Variants in STK39 observed in about 807,000 individuals in gnomAD.
STK39 encodes serine/threonine kinase 39, also known as STE20/SPS1-related proline-alanine-rich protein kinase.
A neutral mutation model predicts 77.8 loss-of-function variants in STK39; 20 were observed. The observed-to-expected ratio is 0.26, with a 90% CI of 0.18 to 0.37. The LOEUF is 0.37. Ranked by LOEUF, STK39 falls within the 10% of genes least tolerant of loss-of-function variation. STK39 has a pLI of 1.00. For missense variants in STK39, 479 were observed against 656.5 expected, an observed-to-expected ratio of 0.73 and a Z score of 2.95; for synonymous variants, 246 against 234.1, an observed-to-expected ratio of 1.05 and a Z score of -0.47.
chr2:167,996,255 T>C (rs1256363197), intron 16 of STK39, among the ~76,000 whole-genome samples: 2 of 152,234 alleles, frequency 1.3e-5, no homozygotes, highest in African/African-American at 2.4e-5. Context: ...AAAATGTCTC[T>C]ATTTTCTCAC....
At chr2:167,971,584 C>T (rs1237295271) in intron 16 of STK39, among the ~76,000 whole-genome samples, 2 of 152,162 alleles carry the variant, frequency 1.3e-5, no homozygotes, top group South Asian at 2.1e-4. Context: ...ACATTAGGTA[C>T]AGAAAGCAGT....
chr2:168,137,369 C>T (rs763134275), intron 8 of STK39, among the ~76,000 whole-genome samples: 1 of 152,118 alleles, frequency 6.6e-6, no homozygotes, highest in Non-Finnish European at 1.5e-5. Context: ...CAGGCAAGGC[C>T]ATTCACATAA....
At chr2:168,014,647 C>G (rs537263131) in intron 15 of STK39, among the ~76,000 whole-genome samples, 1 of 152,118 alleles carries the variant, frequency 6.6e-6, no homozygotes, top group South Asian at 2.1e-4. Context: ...TGGATGTTAC[C>G]CAAATCTTTA....
chr2:168,222,676 G>T (rs1323405527), intron 1 of STK39, among the ~76,000 whole-genome samples: 1 of 152,178 alleles, frequency 6.6e-6, no homozygotes, highest in Non-Finnish European at 1.5e-5. Context: ...GGTTTGAAAA[G>T]AGAACTTTTA....
chr2:168,080,135 CA>C (rs1379340799), intron 10 of STK39, among the ~76,000 whole-genome samples: 50 of 152,284 alleles, frequency 3.3e-4, no homozygotes, highest in Admixed American at 1.2e-3. Flanking sequence ...TGTTATGTTT[CA>C]GCAAAGAGAC....
Position 168,121,139 on chromosome 2 carries a change from T to C in STK39, c.1089+8402A>G, listed in dbSNP as rs540118805. Among the ~76,000 whole-genome samples, 3 of 152,264 alleles carry C rather than the reference T, an allele frequency of 2.0e-5. No homozygotes were observed. The East Asian group carries it at 5.8e-4, about 29-fold the overall frequency. ...TTCCTTCCTGTCCTCTCCGTTCTCTTCTTCTTCATTCTGAGGTATGATTTG... is the reference window on the plus strand; with the variant it reads ...TTCCTTCCTGTCCTCTCCGTTCTCTCCTTCTTCATTCTGAGGTATGATTTG... On this transcript the variant is annotated intron_variant, in intron 10 of 17. Coordinates refer to ENST00000355999, the MANE Select transcript of STK39 (RefSeq NM_013233.3).
chr2:168,013,377 T>A (rs1394863258), intron 15 of STK39, among the ~76,000 whole-genome samples: 1 of 152,206 alleles, frequency 6.6e-6, no homozygotes, highest in Non-Finnish European at 1.5e-5. Flanking sequence ...CTGGAATTAC[T>A]TAATTGAAAG....
intron 10 of STK39, among the ~76,000 whole-genome samples, chr2:168,120,285 G>T (rs1687370798): frequency 6.6e-6 from 1 of 152,188 alleles, no homozygotes. Flanking sequence ...ATGCATAAAG[G>T]TGCACAATAA....
intron 1 of STK39, 81 bp from the exon 2 acceptor site, chr2:168,182,171 A>G: frequency 8.5e-7 from 1 of 1,181,192 alleles, no homozygotes; most frequent in Non-Finnish European, 1.3e-6. Context: ...CTAAAGATCA[A>G]TTTTTTTAAA....
chr2:168,039,078 TACATGA>T (rs1559068613), intron 14 of STK39, among the ~76,000 whole-genome samples: 1 of 151,830 alleles, frequency 6.6e-6, no homozygotes, highest in African/African-American at 2.4e-5. Context: ...TTAAAGACTA[TACATGA>T]ATGTTCATAG....
chr2:168,096,723 A>G (rs1437778663), intron 10 of STK39, among the ~76,000 whole-genome samples: 2 of 152,186 alleles, frequency 1.3e-5, no homozygotes, highest in Non-Finnish European at 2.9e-5. Context: ...TCAGGCCACA[A>G]TTTTTCCCTA....
At chr2:168,240,138 C>CCTT (rs1690723270) in intron 1 of STK39, among the ~76,000 whole-genome samples, 1 of 152,128 alleles carries the variant, frequency 6.6e-6, no homozygotes, top group Non-Finnish European at 1.5e-5. Flanking sequence ...GGAAATCTTG[C>CCTT]CTAGAAGAGG....
At chr2:168,155,198 G>A (rs3820869) in intron 5 of STK39, among the ~76,000 whole-genome samples, 61,913 of 151,870 alleles carry the variant, frequency 0.41, 14,398 homozygotes, top group East Asian at 0.67. Context: ...CTCCTCCACC[G>A]GGTTCACCCA....
chr2:168,152,073 G>A (rs1289406948), intron 5 of STK39, among the ~76,000 whole-genome samples: 1 of 152,218 alleles, frequency 6.6e-6, no homozygotes, highest in Non-Finnish European at 1.5e-5. Context: ...GCAACAGAAG[G>A]GAAGGCTGGA....
intron 10 of STK39, among the ~76,000 whole-genome samples, chr2:168,084,035 TAAAAA>T (rs34902311): frequency 1.4e-5 from 2 of 147,692 alleles, no homozygotes; most frequent in Non-Finnish European, 3.0e-5. Flanking sequence ...CATATCAAGT[TAAAAA>T]AAAAAAAAAC....
At chr2:167,958,767 C>T (rs561478936) in intron 17 of STK39, among the ~76,000 whole-genome samples, 18 of 152,306 alleles carry the variant, frequency 1.2e-4, no homozygotes, top group South Asian at 2.1e-4. Flanking sequence ...TTGCAATGTA[C>T]ACTCTGAAAC....
Position 168,247,446 on chromosome 2 carries a change from A to G in STK39, c.-11T>C, listed in dbSNP as rs1434562256. The stretch of plus-strand genomic sequence containing the variant: ...GCTCGGCTCCGCCATGATGCTGCGG[A>G]GGAGAGCAGGAGGACGCGCCGGCCG... On this transcript the variant is annotated 5_prime_UTR_variant, in exon 1 of 18. Coordinates refer to ENST00000355999, the MANE Select transcript of STK39 (RefSeq NM_013233.3). The G allele has an allele frequency of 4.6e-6, 6 of 1,292,210 alleles. No individual in the cohort carries two copies. In the Admixed American group the frequency reaches 7.9e-5, roughly 17 times the overall value. The allele number at this position is 1,292,210 out of a possible 1,614,324, so 80.0% of individuals were successfully genotyped here. A position where few individuals can be genotyped will look rare whatever the true frequency, so the allele number is the denominator to read the frequency against.
At chr2:168,100,721 G>C (rs1364034162) in intron 10 of STK39, among the ~76,000 whole-genome samples, 1 of 152,174 alleles carries the variant, frequency 6.6e-6, no homozygotes, top group African/African-American at 2.4e-5. Context: ...ATGCTGGAGA[G>C]GATGTGGAGA....
intron 10 of STK39, among the ~76,000 whole-genome samples, chr2:168,128,294 C>T (rs182291299): frequency 6.6e-6 from 1 of 152,278 alleles, no homozygotes; most frequent in Non-Finnish European, 1.5e-5. Flanking sequence ...TCAAAAGACC[C>T]CACGCCAGAC....
Sources: allele counts gnomAD v4.1 joint callset (sites outside exome capture counted in the v4.1 genomes callset), GRCh38; gene constraint gnomAD v4.1.1; transcripts MANE v1.5; gene names NCBI Gene and HGNC (gene_info 2026-07-23, HGNC 2026-07-21).